The following MYO3B variants were observed in gnomAD, a reference collection of about 807,000 sequenced individuals.
MYO3B encodes myosin-IIIb.
A neutral mutation model predicts 174.6 loss-of-function variants in MYO3B; 156 were observed. The ratio of observed to expected loss-of-function variants is 0.89; its 90% CI spans 0.78 to 1.02. The LOEUF is 1.02. Ranked by LOEUF, MYO3B falls within the 50% of genes least tolerant of loss-of-function variation. MYO3B has a pLI of 0.00. For synonymous variants in MYO3B, 563 were observed against 569.1 expected, an observed-to-expected ratio of 0.99 and a Z score of 0.15; for missense variants, 1,632 against 1,639.4, an observed-to-expected ratio of 1.00 and a Z score of 0.08.
Position 170,304,403 on chromosome 2 carries a change from G to T in MYO3B, c.750-30982G>T, listed in dbSNP as rs564933852. ...TATAATTCTATATATTTCAGGCCAT[G>T]TACACTTCATCTAAGTGAATTGTTG... On this transcript the variant is annotated intron_variant, in intron 7 of 34. Transcript: ENST00000408978. Among the ~76,000 whole-genome samples the T allele has an allele frequency of 2.1e-4, 31 of 150,646 alleles. No individual in the cohort carries two copies. In the South Asian group the frequency reaches 6.1e-3, roughly 30 times the overall value.
chr2:170,566,989 A>T (rs941553406), intron 32 of MYO3B, among the ~76,000 whole-genome samples: 50 of 152,274 alleles, frequency 3.3e-4, no homozygotes, highest in African/African-American at 1.2e-3. Context: ...TCAACCATCC[A>T]ATCTTTAATA....
chr2:170,554,459 G>A (rs1030506954), intron 32 of MYO3B, among the ~76,000 whole-genome samples: 2 of 152,184 alleles, frequency 1.3e-5, no homozygotes, highest in Non-Finnish European at 2.9e-5. Context: ...GTCTAGAGGC[G>A]GCTGGAGGGG....
intron 32 of MYO3B, among the ~76,000 whole-genome samples, chr2:170,604,644 T>C (rs1453085365): frequency 6.6e-6 from 1 of 152,168 alleles, no homozygotes; most frequent in Non-Finnish European, 1.5e-5. Flanking sequence ...CTTCAGTGAC[T>C]GCATATCATT....
At chr2:170,349,655 C>T (rs4668243) in intron 8 of MYO3B, 76,399 of 151,568 alleles carry the variant, frequency 0.5, 21,134 homozygotes, top group East Asian at 0.66. Context: ...AAAAATTAGC[C>T]GGGCATGGTA....
intron 32 of MYO3B, among the ~76,000 whole-genome samples, chr2:170,587,788 T>C (rs913858200): frequency 4.6e-5 from 7 of 152,194 alleles, no homozygotes; most frequent in Admixed American, 4.6e-4. Flanking sequence ...CTGTAGATGA[T>C]TTAAACAATT....
intron 22 of MYO3B, among the ~76,000 whole-genome samples, chr2:170,437,745 G>C (rs2094765231): frequency 6.6e-6 from 1 of 152,082 alleles, no homozygotes. Flanking sequence ...TAGAGAAAAA[G>C]ATATTTTTCC....
chr2:170,234,032 G>A (rs899939469), intron 6 of MYO3B, among the ~76,000 whole-genome samples: 19 of 150,748 alleles, frequency 1.3e-4, no homozygotes, highest in East Asian at 5.8e-4. Flanking sequence ...TTAGCCGGGC[G>A]TAGTGGCGGG....
chr2:170,504,356 G>T (rs977463777), intron 28 of MYO3B, among the ~76,000 whole-genome samples: 9 of 152,150 alleles, frequency 5.9e-5, no homozygotes, highest in Non-Finnish European at 8.8e-5. Flanking sequence ...TAAAAGAGCG[G>T]CCCTTGAAAT....
chr2:170,371,717 G>C lies in MYO3B; in HGVS notation c.971+2340G>C, dbSNP rs144686896. On this transcript the variant is annotated intron_variant, in intron 9 of 34. Coordinates refer to ENST00000408978, the MANE Select transcript of MYO3B (RefSeq NM_138995.5). ...AAAAAAAAAAAACAGAAAAATTGAG[G>C]TGAGTATATAGATGATTGAGGCCTA... is the stretch of plus-strand genomic sequence containing the variant. Among the ~76,000 whole-genome samples, 484 of 151,460 alleles carry C rather than the reference G, an allele frequency of 3.2e-3. 3 individuals carry two copies. The highest frequency in any genetic ancestry group is 0.011 in the African/African-American group (455 of 41,286).
chr2:170,369,265 C>A lies in MYO3B; in HGVS notation c.859C>A (p.Leu287Ile). ...TGAAAGGCGACCTTCCGTCACACAT[C>A]TCCTTGACCACCCATTTATTAAAGG... ...DFERRPSVTH[L>I]LDHPFIKGVH... Residue 287 changes from leucine to isoleucine, a missense_variant, in exon 9 of 35, where the codon CTC becomes ATC. By Grantham distance (5) the Leu-to-Ile change is conservative. Coordinates refer to ENST00000408978, the MANE Select transcript of MYO3B (RefSeq NM_138995.5). The A allele has an allele frequency of 6.2e-7, 1 of 1,613,748 alleles. No individual in the cohort carries two copies. The highest frequency in any genetic ancestry group is 8.5e-7 in the Non-Finnish European group (1 of 1,179,764).
At chr2:170,268,619 A>G (rs2093401981) in intron 7 of MYO3B, among the ~76,000 whole-genome samples, 1 of 152,216 alleles carries the variant, frequency 6.6e-6, no homozygotes, top group African/African-American at 2.4e-5. Flanking sequence ...ATAAACTTTA[A>G]AATGCAAGTC....
At chr2:170,394,570 G>A (rs2094433641) in intron 16 of MYO3B, among the ~76,000 whole-genome samples, 1 of 152,070 alleles carries the variant, frequency 6.6e-6, no homozygotes, top group Admixed American at 6.5e-5. Flanking sequence ...TGTAAAAGAT[G>A]GTGAACATTT....
chr2:170,548,440 A>G (rs1026484622), intron 32 of MYO3B, among the ~76,000 whole-genome samples: 1 of 152,158 alleles, frequency 6.6e-6, no homozygotes, highest in African/African-American at 2.4e-5. Context: ...TGCAGCACTA[A>G]TGAGCTTGCA....
intron 32 of MYO3B, among the ~76,000 whole-genome samples, chr2:170,615,441 G>A (rs532574659): frequency 6.6e-6 from 1 of 152,378 alleles, no homozygotes; most frequent in African/African-American, 2.4e-5. Flanking sequence ...TCTAAAGAGG[G>A]AATGGCCAGT....
rs578233815 is a variant in MYO3B at position 170,524,836 on chromosome 2, T to C, written c.3575+5296T>C. ...CCTGTTCAACCTTATGGGAAAGGTA[T>C]AGATTTTACAATCTCTGACATTGAG... On this transcript the variant is annotated intron_variant, in intron 30 of 34. Coordinates refer to ENST00000408978, the MANE Select transcript of MYO3B (RefSeq NM_138995.5). Among the ~76,000 whole-genome samples the C allele has an allele frequency of 9.8e-5, 15 of 152,288 alleles. No individual in the cohort carries two copies. In the South Asian group the frequency reaches 2.7e-3, roughly 27 times the overall value.
At chr2:170,398,262 C>T (rs924715390) in intron 16 of MYO3B, among the ~76,000 whole-genome samples, 31 of 144,096 alleles carry the variant, frequency 2.2e-4, no homozygotes, top group Non-Finnish European at 4.2e-4. Context: ...GGATACAACT[C>T]AAGAATAGTC....
intron 32 of MYO3B, among the ~76,000 whole-genome samples, chr2:170,642,694 C>T (rs940754598): frequency 1.3e-5 from 2 of 152,102 alleles, no homozygotes; most frequent in African/African-American, 4.8e-5. Context: ...ACCTAAGCTC[C>T]TTGAGCCTCA....
At chr2:170,242,017 A>G (rs1165564016) in intron 7 of MYO3B, among the ~76,000 whole-genome samples, 2 of 152,192 alleles carry the variant, frequency 1.3e-5, no homozygotes, top group Admixed American at 6.5e-5. Flanking sequence ...GCTGTGAAAT[A>G]TAAAGGAAAG....
chr2:170,653,536 G>C lies in MYO3B; in HGVS notation c.*415G>C, dbSNP rs1188255280. 2 of 165,442 alleles carry C rather than the reference G, an allele frequency of 1.2e-5. No homozygotes were observed. The highest frequency in any genetic ancestry group is 2.6e-5 in the Non-Finnish European group (2 of 75,614). The allele number at this position is 165,442 out of a possible 1,614,324, so 10.2% of individuals were successfully genotyped here. A position where few individuals can be genotyped will look rare whatever the true frequency, so the allele number is the denominator to read the frequency against. On this transcript the variant is annotated 3_prime_UTR_variant, in exon 35 of 35. Coordinates refer to ENST00000408978, the MANE Select transcript of MYO3B (RefSeq NM_138995.5). ...AGAATCTGCCCCAGTGGAGACCCAG[G>C]AGTTCCTTTCCTGCACTCTTCTCCA...
Sources: gnomAD v4.1 joint callset for allele counts (sites outside exome capture counted in the v4.1 genomes callset) on GRCh38, gnomAD v4.1.1 for gene constraint, MANE v1.5 for transcripts, NCBI Gene and HGNC (gene_info 2026-07-23, HGNC 2026-07-21) for gene names.